TRIM2: variants seen among roughly 807,000 people sequenced by gnomAD.
TRIM2 encodes the protein tripartite motif containing 2.
Under a neutral mutation model 75.2 loss-of-function variants are expected in TRIM2, and 20 were observed. The observed-to-expected ratio is 0.27, with a 90% confidence interval of 0.19 to 0.39. TRIM2 has a LOEUF of 0.39. TRIM2 is among the 10% of genes least tolerant of loss of function. TRIM2 has a pLI of 1.00. For synonymous variants in TRIM2, 373 were observed against 388.3 expected (o/e 0.96, Z 0.46); for missense variants, 660 against 990.8 (o/e 0.67, Z 4.48).
Position 153,244,298 on chromosome 4 carries a change from C to T in TRIM2, c.31-26037C>T, listed in dbSNP as rs1232411318. ...CCTCCTCCTCCTCCTCCTCCTCCTC[C>T]TCCTCCTCCTCCTCCTCCTCCTCTT... is the stretch of plus-strand genomic sequence containing the variant. On this transcript the variant is annotated intron_variant, in intron 1 of 11. Coordinates refer to ENST00000338700, the MANE Select transcript of TRIM2 (RefSeq NM_015271.5). Among the ~76,000 whole-genome samples, 88 of 40,538 alleles carry T rather than the reference C, an allele frequency of 2.2e-3. 1 individual carries two copies. The highest frequency in any genetic ancestry group is 0.013 in the African/African-American group (80 of 5,926). 26.6% of individuals were successfully genotyped at this position (40,538 alleles called of 152,430 possible). A position where few individuals can be genotyped will look rare whatever the true frequency, so the allele number is the denominator to read the frequency against.
At chr4:153,169,280 G>T (rs1269947970) in intron 1 of TRIM2, among the ~76,000 whole-genome samples, 1 of 152,286 alleles carries the variant, frequency 6.6e-6, no homozygotes, top group Non-Finnish European at 1.5e-5. Flanking sequence ...AATATTTCAG[G>T]CAGAGTCTTG....
intron 1 of TRIM2, among the ~76,000 whole-genome samples, chr4:153,228,526 G>A (rs1451996689): frequency 6.6e-6 from 1 of 152,214 alleles, no homozygotes; most frequent in East Asian, 1.9e-4. Context: ...GGTATCTTTA[G>A]CTTCTCAATC....
chr4:153,260,696 C>CACACACACACACACACA lies in TRIM2; in HGVS notation c.31-9639_31-9638insACACACACACACACACA, dbSNP rs1560902840. ...CACACCCACCCACACACCCACCCCC[C>CACACACACACACACACA]CCCCCACACACACACACACACACAC... On this transcript the variant is annotated intron_variant, in intron 1 of 11. Transcript: ENST00000338700. 1.2e-3 allele frequency among the ~76,000 whole-genome samples: 70 copies of CACACACACACACACACA among 58,070 alleles called. 6 individuals are homozygous for CACACACACACACACACA. Among genetic ancestry groups the CACACACACACACACACA allele is most frequent in the African/African-American group, 3.8e-3 (66 of 17,332 alleles). 38.1% of individuals were successfully genotyped at this position (58,070 alleles called of 152,430 possible).
intron 6 of TRIM2, among the ~76,000 whole-genome samples, chr4:153,304,200 A>G (rs1200718753): frequency 2.0e-5 from 3 of 151,420 alleles, no homozygotes; most frequent in African/African-American, 4.9e-5. Context: ...TTTAATCTCC[A>G]CCTCCTGGGT....
intron 6 of TRIM2, among the ~76,000 whole-genome samples, chr4:153,297,854 G>A (rs566877332): frequency 6.6e-6 from 1 of 152,236 alleles, no homozygotes; most frequent in Non-Finnish European, 1.5e-5. Flanking sequence ...TAAGGTTGCT[G>A]TTGGGGGTGA....
chr4:153,207,896 G>A (rs559632380), intron 1 of TRIM2, among the ~76,000 whole-genome samples: 5 of 152,192 alleles, frequency 3.3e-5, no homozygotes, highest in Admixed American at 2.0e-4. Flanking sequence ...CTCATGAGCC[G>A]TAAGTTAAAC....
intron 8 of TRIM2, among the ~76,000 whole-genome samples, chr4:153,317,972 A>G (rs938086807): frequency 1.6e-4 from 25 of 152,248 alleles, no homozygotes; most frequent in African/African-American, 5.5e-4. Flanking sequence ...AAGAAAAAAA[A>G]GACCTATCTC....
At chr4:153,158,765 G>GT (rs1729470361) in intron 1 of TRIM2, among the ~76,000 whole-genome samples, 1 of 152,236 alleles carries the variant, frequency 6.6e-6, no homozygotes, top group Admixed American at 6.5e-5. Context: ...CAGGTTATGA[G>GT]TGCTGGCTCT....
chr4:153,308,125 TCC>T, intron 6 of TRIM2: 2 of 1,032,756 alleles, frequency 1.9e-6, no homozygotes. Flanking sequence ...ATGACGCTGA[TCC>T]ACTTGGGAAC....
intron 1 of TRIM2, among the ~76,000 whole-genome samples, chr4:153,244,677 C>G (rs1370127583): frequency 6.6e-6 from 1 of 151,950 alleles, no homozygotes; most frequent in Non-Finnish European, 1.5e-5. Flanking sequence ...GTCTTTGGAA[C>G]AGGTACATAT....
chr4:153,295,026 C>CT lies in TRIM2; in HGVS notation c.787-286dup, dbSNP rs1330059290. Among the ~76,000 whole-genome samples the CT allele has an allele frequency of 2.0e-5, 3 of 152,200 alleles. No individual in the cohort carries two copies. Among genetic ancestry groups the CT allele is most frequent in the Non-Finnish European group, 4.4e-5 (3 of 68,038 alleles). On this transcript the variant is annotated intron_variant, in intron 5 of 11. Coordinates refer to ENST00000338700, the MANE Select transcript of TRIM2 (RefSeq NM_015271.5). This position sits in a 1 kb window ranked among gnomAD's most constrained non-coding sequence, Gnocchi z 7.2. ...GATGTCAGGCATAGCAATTAATTTGCTATGCTCTTGGTAGTGACCTTTCTG... is the reference window on the plus strand; with the variant it reads ...GATGTCAGGCATAGCAATTAATTTGCTTATGCTCTTGGTAGTGACCTTTCTG...
chr4:153,288,923 T>C (rs1374702732), intron 3 of TRIM2, among the ~76,000 whole-genome samples: 1 of 152,140 alleles, frequency 6.6e-6, no homozygotes, highest in Non-Finnish European at 1.5e-5. Context: ...AATATTTCTA[T>C]TTGGCTTTTA....
intron 4 of TRIM2, among the ~76,000 whole-genome samples, chr4:153,293,574 G>T (rs1762233549): frequency 6.6e-6 from 1 of 152,146 alleles, no homozygotes; most frequent in Admixed American, 6.5e-5. Context: ...AATTTTCCTT[G>T]TTTTCCTGCT....
At chr4:153,316,873 CTTTTTTTTTT>C (rs11397245) in intron 8 of TRIM2, among the ~76,000 whole-genome samples, 1 of 61,576 alleles carries the variant, frequency 1.6e-5, no homozygotes, top group Admixed American at 3.0e-4. Context: ...TGCATTATGC[CTTTTTTTTTT>C]TTTTTTTTTT....
At chr4:153,182,560 A>C (rs1732178568) in intron 1 of TRIM2, among the ~76,000 whole-genome samples, 1 of 152,220 alleles carries the variant, frequency 6.6e-6, no homozygotes, top group Non-Finnish European at 1.5e-5. Flanking sequence ...ATATAAATAA[A>C]AGCTGTGAGC....
chr4:153,171,844 T>A (rs1730894729), intron 1 of TRIM2, among the ~76,000 whole-genome samples: 1 of 142,228 alleles, frequency 7.0e-6, no homozygotes, highest in South Asian at 2.2e-4. Context: ...TTGGGGCTTT[T>A]TTTTTTTTTT....
At chr4:153,242,243 A>G (rs1746820132) in intron 1 of TRIM2, among the ~76,000 whole-genome samples, 1 of 152,062 alleles carries the variant, frequency 6.6e-6, no homozygotes, top group African/African-American at 2.4e-5. Context: ...TTTTATTGTT[A>G]AGGTCACTCC....
intron 6 of TRIM2, among the ~76,000 whole-genome samples, chr4:153,301,304 A>G (rs1396825982): frequency 6.6e-6 from 1 of 152,172 alleles, no homozygotes. Flanking sequence ...AGCTGGAACT[A>G]TAGGTATGCA....
intron 5 of TRIM2, 76 bp downstream of exon 5, chr4:153,294,561 C>A: frequency 6.9e-7 from 1 of 1,438,996 alleles, no homozygotes; most frequent in Non-Finnish European, 9.5e-7. Context: ...TTCCTAATAG[C>A]AACAAGGGGT....
Sources: allele counts gnomAD v4.1 joint callset (sites outside exome capture counted in the v4.1 genomes callset), GRCh38; gene constraint gnomAD v4.1.1; non-coding constraint Gnocchi (gnomAD v3.1); transcripts MANE v1.5; gene names NCBI Gene and HGNC (gene_info 2026-07-23, HGNC 2026-07-21).